The following ANO10 variants were observed in gnomAD, a reference collection of about 807,000 sequenced individuals.
ANO10 encodes the protein anoctamin-10.
ANO10 carries 77 observed loss-of-function variants against 74.7 expected under a neutral mutation model. That is an observed-to-expected ratio of 1.03 (90% CI 0.86 to 1.25). ANO10 has a LOEUF of 1.25. Ranked by LOEUF, ANO10 falls within the 50% of genes most tolerant of loss-of-function variation. The pLI is 0.00. For synonymous variants in ANO10, 279 were observed against 284.9 expected, an observed-to-expected ratio of 0.98 and a Z score of 0.21; for missense variants, 721 against 778.1, an observed-to-expected ratio of 0.93 and a Z score of 0.87.
intron 11 of ANO10, among the ~76,000 whole-genome samples, chr3:43,434,457 C>A (rs561165546): frequency 4.6e-5 from 7 of 152,314 alleles, no homozygotes; most frequent in Non-Finnish European, 8.8e-5. Flanking sequence ...ACAAGACAAT[C>A]TCTTCAGTGG....
At chr3:43,588,418 G>A (rs1423143791) in intron 4 of ANO10, among the ~76,000 whole-genome samples, 2 of 151,658 alleles carry the variant, frequency 1.3e-5, no homozygotes, top group East Asian at 1.9e-4. Context: ...GAAAAAAGAT[G>A]GCATAGCCTA....
At chr3:43,640,471 C>A (rs1395731831) in intron 1 of ANO10, among the ~76,000 whole-genome samples, 1 of 152,188 alleles carries the variant, frequency 6.6e-6, no homozygotes, top group Non-Finnish European at 1.5e-5. Context: ...TGACCCCAGT[C>A]AGCAGGTACT....
intron 1 of ANO10, among the ~76,000 whole-genome samples, chr3:43,652,507 C>A (rs988565225): frequency 6.6e-6 from 1 of 152,048 alleles, no homozygotes; most frequent in East Asian, 1.9e-4. Context: ...AAAATTAGCA[C>A]AAAATAAATC....
intron 4 of ANO10, among the ~76,000 whole-genome samples, chr3:43,591,229 G>A (rs1286317979): frequency 6.6e-6 from 1 of 152,136 alleles, no homozygotes; most frequent in Non-Finnish European, 1.5e-5. Flanking sequence ...ACCCACCATT[G>A]ACTTCCATCC....
chr3:43,477,337 G>A (rs981204562), intron 11 of ANO10, among the ~76,000 whole-genome samples: 6 of 152,120 alleles, frequency 3.9e-5, no homozygotes, highest in Non-Finnish European at 8.8e-5. Context: ...TAATGAATAT[G>A]AAAATAATTT....
intron 12 of ANO10, among the ~76,000 whole-genome samples, chr3:43,391,385 T>C (rs1391245356): frequency 6.6e-6 from 1 of 152,220 alleles, no homozygotes; most frequent in Non-Finnish European, 1.5e-5. Context: ...CTTTTGTTCA[T>C]GAAACAAAAA....
chr3:43,593,153 C>T (rs993456359), intron 4 of ANO10, among the ~76,000 whole-genome samples: 19 of 152,106 alleles, frequency 1.2e-4, no homozygotes, highest in Admixed American at 4.6e-4. Flanking sequence ...CTGAAAGTGA[C>T]GGAGAGAATG....
chr3:43,478,756 G>A (rs2076164725), intron 11 of ANO10, among the ~76,000 whole-genome samples: 1 of 152,170 alleles, frequency 6.6e-6, no homozygotes, highest in African/African-American at 2.4e-5. Context: ...CCATACATAT[G>A]TAGCAGATAA....
intron 1 of ANO10, among the ~76,000 whole-genome samples, chr3:43,619,481 T>C (rs778801138): frequency 4.6e-5 from 7 of 152,152 alleles, no homozygotes; most frequent in Non-Finnish European, 8.8e-5. Context: ...GTGAAGGGCA[T>C]AAGGAAATTT....
chr3:43,555,471 T>G lies in ANO10; in HGVS notation c.1477-2A>C. On this transcript the variant is annotated splice_acceptor_variant, in intron 9 of 12. Coordinates refer to ENST00000292246, the MANE Select transcript of ANO10 (RefSeq NM_018075.5). LOFTEE classifies it high-confidence loss of function. ...CTCCAAGTAATCATCAAAGGTGCCC[T>G]GAAAATATAAACAAGCATGCATTAT... 1 of 1,613,872 alleles carries G rather than the reference T, an allele frequency of 6.2e-7. No homozygotes were observed. The highest frequency in any genetic ancestry group is 1.1e-5 in the South Asian group (1 of 91,072).
chr3:43,513,423 C>T (rs1292141329), intron 11 of ANO10, among the ~76,000 whole-genome samples: 1 of 152,104 alleles, frequency 6.6e-6, no homozygotes, highest in Admixed American at 6.5e-5. Context: ...CTAAAGTAAC[C>T]ACTAAAACAA....
intron 3 of ANO10, among the ~76,000 whole-genome samples, 172 bp from the exon 4 acceptor site, chr3:43,598,838 G>C (rs1379482352): frequency 2.0e-5 from 3 of 152,090 alleles, no homozygotes; most frequent in East Asian, 3.9e-4. Context: ...TATTTTATAA[G>C]AATAAAAAAA....
chr3:43,628,715 C>G (rs1237134980), intron 1 of ANO10, among the ~76,000 whole-genome samples: 1 of 152,090 alleles, frequency 6.6e-6, no homozygotes, highest in Non-Finnish European at 1.5e-5. Context: ...ATAGATGGCC[C>G]CCCCGGGTGT....
At chr3:43,454,138 T>C (rs2075019296) in intron 11 of ANO10, among the ~76,000 whole-genome samples, 2 of 152,102 alleles carry the variant, frequency 1.3e-5, no homozygotes, top group African/African-American at 2.4e-5. Context: ...GGGAAAAGCA[T>C]GTTGGGTCAG....
In ANO10 at chr3:43,448,677, G is replaced by A. The variant is rs1242758564; in HGVS notation, c.1798-15950C>T. On this transcript the variant is annotated intron_variant, in intron 11 of 12. Coordinates refer to ENST00000292246, the MANE Select transcript of ANO10 (RefSeq NM_018075.5). Reference sequence around the variant, plus strand: ...ACATCCATCTGCAGGTTTGTGTATGGACATAAGTTTTCAACCCATTTGGGT... The same window carrying A: ...ACATCCATCTGCAGGTTTGTGTATGAACATAAGTTTTCAACCCATTTGGGT... 2.0e-5 allele frequency among the ~76,000 whole-genome samples: 3 copies of A among 152,254 alleles called. No individual in the cohort carries two copies. In the East Asian group the frequency reaches 5.8e-4, roughly 29 times the overall value.
At chr3:43,625,361 G>T (rs986007592), upstream of ANO10, among the ~76,000 whole-genome samples, 1 of 152,190 alleles carries the variant, frequency 6.6e-6, no homozygotes, top group Non-Finnish European at 1.5e-5. Context: ...ATAAAAACAA[G>T]ACTCTCACTA....
intron 11 of ANO10, among the ~76,000 whole-genome samples, chr3:43,474,966 G>A (rs1206233437): frequency 6.6e-6 from 1 of 151,874 alleles, no homozygotes. Flanking sequence ...CACTATAGTA[G>A]GAGAAAAGAA....
chr3:43,370,876 T>C (rs533126854), intron 12 of ANO10, among the ~76,000 whole-genome samples: 9 of 152,294 alleles, frequency 5.9e-5, no homozygotes, highest in African/African-American at 1.4e-4. Context: ...CAGATCCCCT[T>C]GTCTCTGTGG....
At chr3:43,375,415 T>C (rs986906838) in intron 12 of ANO10, among the ~76,000 whole-genome samples, 6 of 152,006 alleles carry the variant, frequency 3.9e-5, no homozygotes, top group African/African-American at 1.4e-4. Flanking sequence ...ACCATTGCAC[T>C]CCAGCTTGGG....
Sources: allele counts gnomAD v4.1 joint callset (sites outside exome capture counted in the v4.1 genomes callset), GRCh38; gene constraint gnomAD v4.1.1; transcripts MANE v1.5; gene names NCBI Gene and HGNC (gene_info 2026-07-23, HGNC 2026-07-21).